Variants in VARS1 observed in about 807,000 individuals in gnomAD.
VARS1 encodes the protein valine--tRNA ligase.
VARS1 carries 92 observed loss-of-function variants against 161.0 expected under a neutral mutation model. The ratio of observed to expected loss-of-function variants is 0.57; its 90% confidence interval spans 0.48 to 0.68. The LOEUF is 0.68. VARS1 is among the 30% of genes least tolerant of loss of function. The pLI, the probability that VARS1 is intolerant of heterozygous loss-of-function variation, is 0.00. For synonymous variants in VARS1, 595 were observed against 682.5 expected, an observed-to-expected ratio of 0.87 and a Z score of 2.00; for missense variants, 1,338 against 1,695.9, an observed-to-expected ratio of 0.79 and a Z score of 3.71.
At chr6:31,783,383 G>A (rs868620692) in intron 13 of VARS1, 197 bp from the exon 14 acceptor site, 1 of 598,220 alleles carries the variant, frequency 1.7e-6, no homozygotes, top group Non-Finnish European at 2.9e-6. Context: ...GGTGACGCGT[G>A]CCTGTAATCT....
rs1331195782 is a variant in VARS1, at chr6:31,781,810, C to G, written c.2347+37G>C. 6.2e-7 allele frequency: 1 copy of G among 1,612,930 alleles called. No homozygotes were observed. Among genetic ancestry groups the G allele is most frequent in the Non-Finnish European group, 8.5e-7 (1 of 1,179,936 alleles). On this transcript the variant is annotated intron_variant, in intron 19 of 29. Transcript: ENST00000375663. This position sits in a 1 kb window ranked among gnomAD's most constrained non-coding sequence, Gnocchi z 6.8. The stretch of plus-strand genomic sequence containing the variant: ...GTCAGAGGGAGTGGAGCTCTGCCCC[C>G]CACAACTCCCTCCAGACCCTCAAAG...
chr6:31,791,497 G>C lies in VARS1; in HGVS notation c.1100+113C>G. The C allele has an allele frequency of 1.4e-6, 2 of 1,409,862 alleles. No homozygotes were observed. The allele number at this position is 1,409,862 out of a possible 1,614,324, so 87.3% of individuals were successfully genotyped here. A position where few individuals can be genotyped will look rare whatever the true frequency, so the allele number is the denominator to read the frequency against. On this transcript the variant is annotated intron_variant, in intron 8 of 29. Transcript: ENST00000375663. This position sits in a 1 kb window ranked among gnomAD's most constrained non-coding sequence, Gnocchi z 5.0. ...GACAGAGAGAAGTGTAGCACCACTG[G>C]GGGCAGAAGTGAGCACCAACCCAGA... is the stretch of plus-strand genomic sequence containing the variant.
At position 31,793,123 on chromosome 6, in the gene VARS1, G is replaced by T. The variant is rs1814005705; in HGVS notation, c.388-3C>A. ...CTGCCCAGGGCCCCCAGCACAGCCT[G>T]GCAGGAAGGGGAAGAAGTGTGAGAC... On this transcript the variant is annotated splice_polypyrimidine_tract_variant and splice_region_variant and intron_variant, in intron 2 of 29. Coordinates refer to ENST00000375663, the MANE Select transcript of VARS1 (RefSeq NM_006295.3). The T allele has an allele frequency of 1.9e-6, 3 of 1,585,282 alleles. No individual in the cohort carries two copies. Among genetic ancestry groups the T allele is most frequent in the Admixed American group, 2.0e-5 (1 of 50,234 alleles).
chr6:31,783,221 A>G (rs1813278722), intron 13 of VARS1, 35 bp from the exon 14 acceptor site: 1 of 1,602,096 alleles, frequency 6.2e-7, no homozygotes, highest in African/African-American at 1.3e-5. Context: ...CGCATGAAGC[A>G]GGGCCAGACG....
In VARS1 at chr6:31,784,433, C is replaced by T. The variant is rs772669177; in HGVS notation, c.1537G>A (p.Gly513Arg). Residue 513 changes from glycine (G) to arginine (R), a missense_variant, in exon 12 of 30, where the codon GGG (glycine) becomes AGG (arginine). Gly to Arg is a moderately radical substitution (Grantham distance 125). This residue lies in a region of VARS1 where 902 missense variants were observed against 1,090.3 expected (regional missense o/e 0.83). Transcript: ENST00000375663. The surrounding 1 kb of genome is among the most constrained non-coding windows in gnomAD (Gnocchi z 6.1). ...VPGYKEKVEFGVLVSFAYKVQ... is the reference protein window; with the variant it reads ...VPGYKEKVEFRVLVSFAYKVQ... ...TTATAGGCAAAGGACACGAGGACCC[C>T]GAACTCCACCTTCTCCTTGTAGCCA... The T allele has an allele frequency of 4.3e-6, 7 of 1,613,978 alleles. No homozygotes were observed. The highest frequency in any genetic ancestry group is 5.9e-6 in the Non-Finnish European group (7 of 1,180,042).
intron 8 of VARS1, among the ~76,000 whole-genome samples, chr6:31,786,723 T>C (rs1813535144): frequency 8.3e-6 from 1 of 120,568 alleles, no homozygotes; most frequent in Non-Finnish European, 1.8e-5. Context: ...CCAAACAGGA[T>C]AGCAAAAGTT....
rs1388908895 is a variant in VARS1, at chr6:31,795,051, C to T, written c.167G>A (p.Arg56His). 4 of 1,540,182 alleles carry T rather than the reference C, an allele frequency of 2.6e-6. No homozygotes were observed. Among genetic ancestry groups the T allele is most frequent in the South Asian group, 1.2e-5 (1 of 85,712 alleles). Residue 56 changes from arginine (R) to histidine (H), a missense_variant, in exon 2 of 30, where the codon CGC becomes CAC. Coordinates refer to ENST00000375663, the MANE Select transcript of VARS1 (RefSeq NM_006295.3). This position sits in a 1 kb window ranked among gnomAD's most constrained non-coding sequence, Gnocchi z 6.9. The part of the protein sequence containing the change: ...PTSRTPFPPP[R>H]LPALEQGPGG... ...GGGCCCCTGCTCCAGGGCCGGCAGG[C>T]GGGGTGGGGGAAAGGGAGTCCTGCT...
At position 31,792,466 on chromosome 6, in the gene VARS1, CCT is replaced by C; in HGVS notation, c.710_711del (p.Glu237GlyfsTer44). On this transcript the variant is annotated frameshift_variant, in exon 5 of 30. Transcript: ENST00000375663. LOFTEE classifies it high-confidence loss of function. ...LPKTAAQLKK[E>X]AKKREKLEKF... is the part of the protein sequence containing the mutation. Reference sequence around the variant, plus strand: ...TTCTCTAGCTTCTCCCGTTTCTTTGCCTCTTTCTTGAGCTGAGCAGCTGTCTT... The same window carrying C: ...TTCTCTAGCTTCTCCCGTTTCTTTGCCTTTCTTGAGCTGAGCAGCTGTCTT... The C allele has an allele frequency of 6.2e-7, 1 of 1,613,992 alleles. No individual in the cohort carries two copies. The highest frequency in any genetic ancestry group is 8.5e-7 in the Non-Finnish European group (1 of 1,180,000).
rs774390389 is a variant in VARS1, at chr6:31,784,658, G to A, written c.1404C>T (p.Ile468=). Residue 468 remains isoleucine, a synonymous_variant, in exon 11 of 30, where the codon ATC becomes ATT. Transcript: ENST00000375663. This position sits in a 1 kb window ranked among gnomAD's most constrained non-coding sequence, Gnocchi z 6.1. ...AFVRLHEEGI[I]YRSTRLVNWS... ...AGTTAACAAGGCGGGTACTGCGATA[G>A]ATGATGCCTTCCTCGTGAAGCCGGA... is the stretch of plus-strand genomic sequence containing the variant. 2.5e-6 allele frequency: 4 copies of A among 1,612,954 alleles called. No individual in the cohort carries two copies. Among genetic ancestry groups the A allele is most frequent in the Non-Finnish European group, 3.4e-6 (4 of 1,180,048 alleles).
Position 31,781,752 on chromosome 6 carries a change from A to G in VARS1, c.2357T>C (p.Val786Ala). Reference sequence around the variant, plus strand: ...GCCAGAGGAGAACCAGGTATCCAATACATCCTCATCTGAGAGAGGCCAAAG... The same window carrying G: ...GCCAGAGGAGAACCAGGTATCCAATGCATCCTCATCTGAGAGAGGCCAAAG... The part of the protein sequence containing the change: ...DKISLQQDED[V>A]LDTWFSSGLF... Residue 786 changes from valine to alanine, a missense_variant, in exon 20 of 30, where the codon GTA becomes GCA. Transcript: ENST00000375663. The surrounding 1 kb of genome is among the most constrained non-coding windows in gnomAD (Gnocchi z 6.8). The G allele has an allele frequency of 6.2e-7, 1 of 1,613,020 alleles. No homozygotes were observed.
rs879048576 is a variant in VARS1 at position 31,785,924 on chromosome 6, C to T, written c.1101-191G>A. Among the ~76,000 whole-genome samples the T allele has an allele frequency of 6.6e-6, 1 of 151,744 alleles. No homozygotes were observed. The highest frequency in any genetic ancestry group is 2.1e-4 in the South Asian group (1 of 4,818). ...GTGGATCACCTCAGGTGGGGGAGTT[C>T]GAGATGAGCCTGGCCAACATGGTAA... is the stretch of plus-strand genomic sequence containing the variant. On this transcript the variant is annotated intron_variant, in intron 8 of 29. Coordinates refer to ENST00000375663, the MANE Select transcript of VARS1 (RefSeq NM_006295.3). This position sits in a 1 kb window ranked among gnomAD's most constrained non-coding sequence, Gnocchi z 6.1.
At position 31,784,352 on chromosome 6, in the gene VARS1, C is replaced by T; in HGVS notation, c.1576+42G>A. 1.9e-6 allele frequency: 3 copies of T among 1,614,206 alleles called. No individual in the cohort carries two copies. Among genetic ancestry groups the T allele is most frequent in the Non-Finnish European group, 2.5e-6 (3 of 1,180,058 alleles). On this transcript the variant is annotated intron_variant, in intron 12 of 29. Transcript: ENST00000375663. The surrounding 1 kb of genome is among the most constrained non-coding windows in gnomAD (Gnocchi z 6.1). ...TTGTGGTCTTGGCCTTGGCCCCTTC[C>T]TGCCACTCCCAGCCCAGGATCCTGG...
In VARS1 at chr6:31,795,451, A is replaced by T. The variant is rs908189786; in HGVS notation, c.-34+95T>A. ...CAGTGGGGAGTTCCTGGGGAAGAGGAACTATCCACCATCGCGGGGCTTCGG... is the reference window on the plus strand; with the variant it reads ...CAGTGGGGAGTTCCTGGGGAAGAGGTACTATCCACCATCGCGGGGCTTCGG... On this transcript the variant is annotated intron_variant, in intron 1 of 29. Coordinates refer to ENST00000375663, the MANE Select transcript of VARS1 (RefSeq NM_006295.3). This position sits in a 1 kb window ranked among gnomAD's most constrained non-coding sequence, Gnocchi z 6.9. The T allele has an allele frequency of 2.0e-5, 8 of 394,424 alleles. No individual in the cohort carries two copies. The highest frequency in any genetic ancestry group is 8.7e-5 in the Admixed American group (2 of 22,872). 24.4% of individuals were successfully genotyped at this position (394,424 alleles called of 1,614,324 possible).
Position 31,785,829 on chromosome 6 carries a change from A to G in VARS1, c.1101-96T>C, listed in dbSNP as rs1813464155. ...TTCAGGCAAGGAGTCAGTGGACTAA[A>G]TAAAGAAGCAGGGAGGCCGGACGCG... is the stretch of plus-strand genomic sequence containing the variant. On this transcript the variant is annotated intron_variant, in intron 8 of 29. Transcript: ENST00000375663. This position sits in a 1 kb window ranked among gnomAD's most constrained non-coding sequence, Gnocchi z 6.1. 1 of 1,463,934 alleles carries G rather than the reference A, an allele frequency of 6.8e-7. No individual in the cohort carries two copies. The highest frequency in any genetic ancestry group is 1.4e-5 in the African/African-American group (1 of 70,662). The allele number at this position is 1,463,934 out of a possible 1,614,324, so 90.7% of individuals were successfully genotyped here.
Position 31,777,835 on chromosome 6 carries a change from TCCA to T in VARS1, c.3727-176_3727-174del. ...ACCCATTCCCACCAGCACCCCCACT[TCCA>T]CCACCACCTCTTGGGTCTTGCCTTT... On this transcript the variant is annotated intron_variant, in intron 29 of 29. Coordinates refer to ENST00000375663, the MANE Select transcript of VARS1 (RefSeq NM_006295.3). The surrounding 1 kb of genome is among the most constrained non-coding windows in gnomAD (Gnocchi z 5.8). 1 of 664,262 alleles carries T rather than the reference TCCA, an allele frequency of 1.5e-6. No homozygotes were observed. Among genetic ancestry groups the T allele is most frequent in the Admixed American group, 2.5e-5 (1 of 39,962 alleles). The allele number at this position is 664,262 out of a possible 1,614,324, so 41.1% of individuals were successfully genotyped here. A position where few individuals can be genotyped will look rare whatever the true frequency, so the allele number is the denominator to read the frequency against.
chr6:31,778,360 C>G lies in VARS1; in HGVS notation c.3726+607G>C, dbSNP rs1212265247. On this transcript the variant is annotated intron_variant, in intron 29 of 29. Transcript: ENST00000375663. This position sits in a 1 kb window ranked among gnomAD's most constrained non-coding sequence, Gnocchi z 5.1. The stretch of plus-strand genomic sequence containing the variant: ...TCCGTCTCCCACCTGTTGTGTGACC[C>G]TGGGTTGTGCCCAGCCCCCAGCTGC... 6.6e-6 allele frequency among the ~76,000 whole-genome samples: 1 copy of G among 152,174 alleles called. No individual in the cohort carries two copies. Among genetic ancestry groups the G allele is most frequent in the Non-Finnish European group, 1.5e-5 (1 of 68,036 alleles).
At position 31,781,539 on chromosome 6, in the gene VARS1, CAGA is replaced by C. The variant is rs1451281651; in HGVS notation, c.2483_2485del (p.Phe828del). Reference sequence around the variant, plus strand: ...GCCCAGCATGACCATCCGGGCCACCCAGAAGAAGAGGATGTCATGACCGGTCTC... The same window carrying C: ...GCCCAGCATGACCATCCGGGCCACCCAGAAGAGGATGTCATGACCGGTCTC... On this transcript the variant is annotated inframe_deletion, in exon 21 of 30. Coordinates refer to ENST00000375663, the MANE Select transcript of VARS1 (RefSeq NM_006295.3). This position sits in a 1 kb window ranked among gnomAD's most constrained non-coding sequence, Gnocchi z 6.8. The C allele has an allele frequency of 6.2e-7, 1 of 1,612,930 alleles. No homozygotes were observed. Among genetic ancestry groups the C allele is most frequent in the Admixed American group, 1.7e-5 (1 of 60,008 alleles).
chr6:31,793,151 G>A (rs1368080241), intron 2 of VARS1, 31 bp from the exon 3 acceptor site: 1 of 1,564,298 alleles, frequency 6.4e-7, no homozygotes, highest in South Asian at 1.2e-5. Context: ...TGTGAGACAA[G>A]GTTTGGCCCA....
At chr6:31,789,661 C>A (rs1467803067) in intron 8 of VARS1, among the ~76,000 whole-genome samples, 4 of 152,168 alleles carry the variant, frequency 2.6e-5, no homozygotes, top group Admixed American at 2.6e-4. Context: ...GCATATAGAG[C>A]AGGGGTATCC....
Sources: gnomAD v4.1 joint callset for allele counts (sites outside exome capture counted in the v4.1 genomes callset) on GRCh38, gnomAD v4.1.1 for gene constraint, gnomAD v4.1.1 regional missense constraint, Gnocchi (gnomAD v3.1) non-coding constraint, MANE v1.5 for transcripts, NCBI Gene and HGNC (gene_info 2026-07-23, HGNC 2026-07-21) for gene names.